MCPH1: variants seen among roughly 807,000 people sequenced by gnomAD.
MCPH1 encodes the protein microcephalin 1.
In MCPH1, 104 loss-of-function variants were observed where a neutral mutation model predicts 84.5. The ratio of observed to expected loss-of-function variants is 1.23; its 90% CI spans 1.05 to 1.45. The LOEUF (loss-of-function observed/expected upper bound fraction) is 1.45, where lower values mean the gene tolerates loss of function less well. Ranked by LOEUF, MCPH1 falls within the 40% of genes most tolerant of loss-of-function variation. The pLI is 0.00. For missense variants in MCPH1, 1,498 were observed against 1,005.7 expected (o/e 1.49, Z -6.62); for synonymous variants, 514 against 366.8 (o/e 1.40, Z -4.58).
At chr8:6,604,491 C>A (rs891377683) in intron 12 of MCPH1, among the ~76,000 whole-genome samples, 17 of 151,716 alleles carry the variant, frequency 1.1e-4, no homozygotes, top group African/African-American at 4.1e-4. Flanking sequence ...TGTCAGAATT[C>A]TCCAGCCTAC....
intron 12 of MCPH1, among the ~76,000 whole-genome samples, chr8:6,595,069 C>G (rs1012862603): frequency 2.0e-5 from 3 of 152,202 alleles, no homozygotes; most frequent in Admixed American, 6.5e-5. Context: ...TGCTAACTAA[C>G]TTACTGACTT....
chr8:6,447,493 T>C lies in MCPH1; in HGVS notation c.1825+1946T>C, dbSNP rs61599600. ...CTTCAAAAACAAGTTACAAAGAGCT[T>C]CAATACGCTGATAGAACGGGAACTG... On this transcript the variant is annotated intron_variant, in intron 8 of 13. Transcript: ENST00000344683. 4.1e-4 allele frequency: 339 copies of C among 818,738 alleles called. 6 individuals carry two copies. The East Asian group carries it at 0.03, about 73-fold the overall frequency. The allele number at this position is 818,738 out of a possible 1,614,324, so 50.7% of individuals were successfully genotyped here. A position where few individuals can be genotyped will look rare whatever the true frequency, so the allele number is the denominator to read the frequency against.
intron 12 of MCPH1, among the ~76,000 whole-genome samples, chr8:6,577,304 G>A (rs574775333): frequency 6.6e-6 from 1 of 152,274 alleles, no homozygotes; most frequent in Non-Finnish European, 1.5e-5. Flanking sequence ...CCGTCACCAC[G>A]TGTGCTCCAG....
At chr8:6,411,841 A>G (rs541222245) in intron 2 of MCPH1, among the ~76,000 whole-genome samples, 19 of 152,284 alleles carry the variant, frequency 1.2e-4, no homozygotes, top group African/African-American at 4.1e-4. Flanking sequence ...GGACGCGGGC[A>G]TGTCTTAGAA....
At chr8:6,559,604 G>T (rs1202122708) in intron 12 of MCPH1, among the ~76,000 whole-genome samples, 1 of 152,122 alleles carries the variant, frequency 6.6e-6, no homozygotes, top group Non-Finnish European at 1.5e-5. Flanking sequence ...TTCATAGACT[G>T]CAGTTGTTTA....
chr8:6,587,410 A>G (rs893290673), intron 12 of MCPH1, among the ~76,000 whole-genome samples: 5 of 152,156 alleles, frequency 3.3e-5, no homozygotes, highest in South Asian at 2.1e-4. Flanking sequence ...TTTCCATACA[A>G]TAGAATTCAA....
intron 11 of MCPH1, among the ~76,000 whole-genome samples, chr8:6,487,458 A>T (rs1810070222): frequency 6.6e-6 from 1 of 152,260 alleles, no homozygotes; most frequent in Admixed American, 6.5e-5. Flanking sequence ...TGGGAGAACC[A>T]GAACTGGAAT....
intron 13 of MCPH1, chr8:6,626,834 G>A: frequency 5.1e-6 from 5 of 985,130 alleles, no homozygotes; most frequent in Non-Finnish European, 6.0e-6. Flanking sequence ...TTCCCTCCCT[G>A]CTGCTGTTAT....
chr8:6,588,028 C>A (rs942278284), intron 12 of MCPH1, among the ~76,000 whole-genome samples: 4 of 152,202 alleles, frequency 2.6e-5, no homozygotes, highest in Non-Finnish European at 5.9e-5. Flanking sequence ...AGCTTCCCAT[C>A]TTGGGGAGGT....
At chr8:6,581,687 T>C (rs773141491) in intron 12 of MCPH1, among the ~76,000 whole-genome samples, 2 of 152,222 alleles carry the variant, frequency 1.3e-5, no homozygotes, top group African/African-American at 2.4e-5. Flanking sequence ...TTAAATTATA[T>C]TGAAACTTTT....
At chr8:6,514,938 A>C (rs1244629674) in intron 12 of MCPH1, among the ~76,000 whole-genome samples, 1 of 152,162 alleles carries the variant, frequency 6.6e-6, no homozygotes, top group African/African-American at 2.4e-5. Context: ...TAAGAAACAG[A>C]TGGTTTCAAA....
rs528917326 is a variant in MCPH1 at position 6,455,006 on chromosome 8, G to C, written c.1826-137G>C. On this transcript the variant is annotated intron_variant, in intron 8 of 13. Transcript: ENST00000344683. ...CTGAAAGTTCTAGATAGATCTCAAA[G>C]AGCCAGATATATACAATTTATTTAA... 8.6e-6 allele frequency: 6 copies of C among 693,876 alleles called. No homozygotes were observed. The South Asian group carries it at 1.0e-4, about 12-fold the overall frequency. The allele number at this position is 693,876 out of a possible 1,614,324, so 43.0% of individuals were successfully genotyped here. A position where few individuals can be genotyped will look rare whatever the true frequency, so the allele number is the denominator to read the frequency against.
chr8:6,611,709 C>G (rs1187288319), intron 12 of MCPH1, among the ~76,000 whole-genome samples: 2 of 152,218 alleles, frequency 1.3e-5, no homozygotes, highest in Non-Finnish European at 2.9e-5. Context: ...AGCTCCGCCT[C>G]CCGGGTTCTC....
intron 2 of MCPH1, among the ~76,000 whole-genome samples, chr8:6,413,586 C>CT (rs1356468179): frequency 3.3e-5 from 5 of 152,008 alleles, no homozygotes; most frequent in African/African-American, 1.2e-4. Flanking sequence ...CTCCTGTTGT[C>CT]CGTCTTCTGG....
chr8:6,591,794 A>G (rs73661434), intron 12 of MCPH1, among the ~76,000 whole-genome samples: 323 of 152,340 alleles, frequency 2.1e-3, no homozygotes, highest in African/African-American at 7.6e-3. Context: ...CTAACCCCCT[A>G]GAATTCCTCA....
intron 12 of MCPH1, chr8:6,513,851 T>C (rs760264196): frequency 6.3e-7 from 1 of 1,595,994 alleles, no homozygotes; most frequent in Non-Finnish European, 8.5e-7. Context: ...ATCCCTGTAA[T>C]GCAAGTTGTT....
intron 13 of MCPH1, among the ~76,000 whole-genome samples, chr8:6,638,643 C>A (rs550384023): frequency 3.3e-5 from 5 of 151,762 alleles, no homozygotes; most frequent in African/African-American, 1.2e-4. Flanking sequence ...GGCAGTTCAG[C>A]TTCCTATTCA....
Position 6,480,789 on chromosome 8 carries a change from G to T in MCPH1, c.2049G>T (p.Thr683=), listed in dbSNP as rs764007808. ...TTGCACCAGACGTCTGTGAGACCACGACTCACGTGCTTTCCGGGAAGCCAC... is the reference window on the plus strand; with the variant it reads ...TTGCACCAGACGTCTGTGAGACCACTACTCACGTGCTTTCCGGGAAGCCAC... The part of the protein sequence containing the change: ...FSIAPDVCET[T]THVLSGKPLR... Residue 683 remains threonine, a synonymous_variant, in exon 11 of 14, where the codon ACG becomes ACT. Coordinates refer to ENST00000344683, the MANE Select transcript of MCPH1 (RefSeq NM_024596.5). The T allele has an allele frequency of 4.3e-6, 7 of 1,614,064 alleles. No homozygotes were observed. The highest frequency in any genetic ancestry group is 5.9e-6 in the Non-Finnish European group (7 of 1,180,044).
rs180903114 is a variant in MCPH1, at chr8:6,546,901, C to T, written c.2214+46972C>T. Among the ~76,000 whole-genome samples the T allele has an allele frequency of 5.7e-4, 87 of 152,274 alleles. 2 individuals are homozygous for T. The South Asian group carries it at 0.015, about 26-fold the overall frequency. ...AGACCTTCATTAAGATGTACCCTTC[C>T]GTGTTTTCCTAACTTCTGAAATCAC... On this transcript the variant is annotated intron_variant, in intron 12 of 13. Transcript: ENST00000344683.
Sources: allele counts gnomAD v4.1 joint callset (sites outside exome capture counted in the v4.1 genomes callset), GRCh38; gene constraint gnomAD v4.1.1; transcripts MANE v1.5; gene names NCBI Gene and HGNC (gene_info 2026-07-23, HGNC 2026-07-21).